CLSTN3: variants seen among roughly 807,000 people sequenced by gnomAD.
The protein encoded by CLSTN3 is calsyntenin 3, also known as calsyntenin-3.
Under a neutral mutation model 95.9 loss-of-function variants are expected in CLSTN3, and 36 were observed. The ratio of observed to expected loss-of-function variants is 0.38; its 90% CI spans 0.29 to 0.50. The LOEUF (loss-of-function observed/expected upper bound fraction) is 0.50. CLSTN3 is among the 20% of genes least tolerant of loss of function. The probability of loss-of-function intolerance (pLI) is 0.95; values close to 1 mark genes in which losing one functional copy is unlikely to be tolerated. For synonymous variants in CLSTN3, 481 were observed against 504.0 expected, an observed-to-expected ratio of 0.95 and a Z score of 0.61; for missense variants, 1,084 against 1,268.8, an observed-to-expected ratio of 0.85 and a Z score of 2.21.
At chr12:7,144,562 G>C (rs1939589702) in intron 12 of CLSTN3, among the ~76,000 whole-genome samples, 1 of 152,138 alleles carries the variant, frequency 6.6e-6, no homozygotes, top group Admixed American at 6.5e-5. Flanking sequence ...ATTACATAAA[G>C]GCATTTTCAC....
intron 12 of CLSTN3, among the ~76,000 whole-genome samples, chr12:7,146,583 C>G (rs868092093): frequency 1.1e-4 from 17 of 152,256 alleles, no homozygotes; most frequent in Middle Eastern, 3.4e-3. Context: ...TTTCTCTGAT[C>G]GTTCCTACCT....
Position 7,158,380 on chromosome 12 carries a change from C to G in CLSTN3, c.*299C>G. ...TTTCTACCCCCAATGGCAGCTGCCC[C>G]CTTAGCACTCACTGTGTTGGGGAGA... On this transcript the variant is annotated 3_prime_UTR_variant, in exon 18 of 18. Transcript: ENST00000266546. 2 of 307,890 alleles carry G rather than the reference C, an allele frequency of 6.5e-6. No individual in the cohort carries two copies. Among genetic ancestry groups the G allele is most frequent in the South Asian group, 6.7e-5 (1 of 14,928 alleles). The allele number at this position is 307,890 out of a possible 1,614,324, so 19.1% of individuals were successfully genotyped here.
chr12:7,130,743 G>C, intron 1 of CLSTN3, 31 bp downstream of exon 1: 2 of 1,540,164 alleles, frequency 1.3e-6, no homozygotes, highest in Non-Finnish European at 1.8e-6. Context: ...GGTACCGAAA[G>C]AGGGGCGTCG....
chr12:7,140,934 T>C (rs187023022), intron 8 of CLSTN3, among the ~76,000 whole-genome samples: 15 of 152,282 alleles, frequency 9.9e-5, no homozygotes, highest in Non-Finnish European at 2.1e-4. Flanking sequence ...TACACACATA[T>C]GTAATACATA....
chr12:7,130,303 T>TCCCCCCCCCC (rs1174430972), upstream of CLSTN3: 27 of 779,434 alleles, frequency 3.5e-5, no homozygotes, highest in South Asian at 1.8e-4. Context: ...CAGCACCTGG[T>TCCCCCCCCCC]CCCCCCCCCT....
intron 12 of CLSTN3, among the ~76,000 whole-genome samples, chr12:7,144,232 CAAAAAAAAA>C (rs754358387): frequency 2.9e-5 from 2 of 69,700 alleles, no homozygotes; most frequent in Non-Finnish European, 5.4e-5. Flanking sequence ...GACTCCATCT[CAAAAAAAAA>C]AAAAAAAAAA....
In CLSTN3 at chr12:7,150,532, C is replaced by A; in HGVS notation, c.2246-12C>A. On this transcript the variant is annotated splice_polypyrimidine_tract_variant and intron_variant, in intron 14 of 17. Coordinates refer to ENST00000266546, the MANE Select transcript of CLSTN3 (RefSeq NM_014718.4). This position sits in a 1 kb window ranked among gnomAD's most constrained non-coding sequence, Gnocchi z 4.0. ...CACTGGCCCCTGCCCTGAGGTGCTT[C>A]CTCATCTCCAGGGGTGGAGAGCATC... is the stretch of plus-strand genomic sequence containing the variant. 6.2e-7 allele frequency: 1 copy of A among 1,604,366 alleles called. No individual in the cohort carries two copies. The highest frequency in any genetic ancestry group is 8.5e-7 in the Non-Finnish European group (1 of 1,172,594).
chr12:7,130,285 C>T (rs1939258636), upstream of CLSTN3: 2 of 795,668 alleles, frequency 2.5e-6, no homozygotes, highest in Non-Finnish European at 3.5e-6. Flanking sequence ...TGGCTCCCTC[C>T]CCCGCTGCAG....
At chr12:7,135,179 C>T in intron 3 of CLSTN3, 148 bp from the exon 4 acceptor site, 1 of 739,890 alleles carries the variant, frequency 1.4e-6, no homozygotes, top group Admixed American at 2.2e-5. Flanking sequence ...GGTATCGAAC[C>T]TGTCCCTCCA....
Position 7,141,312 on chromosome 12 carries a change from G to A in CLSTN3, c.1394G>A (p.Gly465Asp). The A allele has an allele frequency of 6.2e-7, 1 of 1,614,160 alleles. No homozygotes were observed. The highest frequency in any genetic ancestry group is 1.3e-5 in the African/African-American group (1 of 75,050). ...CCCACAGTCACACTCTATACCGACGGCATCTCCTTCGACCCTGCCCTCATC... is the reference window on the plus strand; with the variant it reads ...CCCACAGTCACACTCTATACCGACGACATCTCCTTCGACCCTGCCCTCATC... Reference protein sequence around the residue: ...EFPTVTLYTDGISFDPALIHD... With the variant: ...EFPTVTLYTDDISFDPALIHD... The change falls in exon 9 of 18, where the codon GGC becomes GAC. Residue 465 changes from glycine to aspartate, a missense_variant. Physicochemically the swap from Gly to Asp is moderately conservative, Grantham distance 94 (BLOSUM62 -1). Coordinates refer to ENST00000266546, the MANE Select transcript of CLSTN3 (RefSeq NM_014718.4). The surrounding 1 kb of genome is among the most constrained non-coding windows in gnomAD (Gnocchi z 4.1).
chr12:7,149,792 T>G lies in CLSTN3; in HGVS notation c.2245+99T>G. 8.9e-7 allele frequency: 1 copy of G among 1,120,874 alleles called. No homozygotes were observed. Among genetic ancestry groups the G allele is most frequent in the Non-Finnish European group, 1.3e-6 (1 of 792,174 alleles). 69.4% of individuals were successfully genotyped at this position (1,120,874 alleles called of 1,614,324 possible). ...AGGGTCCTCCTTCCAGGTCCAGGGA[T>G]GTGGACAAGTGCCGTTTTGCATTTT... On this transcript the variant is annotated intron_variant, in intron 14 of 17. Transcript: ENST00000266546. This position sits in a 1 kb window ranked among gnomAD's most constrained non-coding sequence, Gnocchi z 4.5.
In CLSTN3 at chr12:7,141,468, G is replaced by A. The variant is rs1238501448; in HGVS notation, c.1486+64G>A. The A allele has an allele frequency of 1.5e-5, 24 of 1,578,240 alleles. No individual in the cohort carries two copies. The highest frequency in any genetic ancestry group is 1.9e-5 in the Non-Finnish European group (22 of 1,148,626). On this transcript the variant is annotated intron_variant, in intron 9 of 17. Transcript: ENST00000266546. The surrounding 1 kb of genome is among the most constrained non-coding windows in gnomAD (Gnocchi z 4.1). ...GGGAAGGGAGGTAGGCTGGTGAGGAGCAAGGGCAGTCTGACCCAGCAGCTG... is the reference window on the plus strand; with the variant it reads ...GGGAAGGGAGGTAGGCTGGTGAGGAACAAGGGCAGTCTGACCCAGCAGCTG...
In CLSTN3 at chr12:7,136,147, G is replaced by C. The variant is rs923432559; in HGVS notation, c.743-59G>C. 15 of 1,566,900 alleles carry C rather than the reference G, an allele frequency of 9.6e-6. No homozygotes were observed. In the African/African-American group the frequency reaches 2.0e-4, roughly 21 times the overall value. ...ATGGACATGGCAAGAGGAGCATGGA[G>C]AGGGGAGGCTGCTTTACCCTTCTCT... On this transcript the variant is annotated intron_variant, in intron 5 of 17. Transcript: ENST00000266546.
chr12:7,133,469 G>C lies in CLSTN3; in HGVS notation c.188-104G>C. ...ATGCTTTTGTGCCTACAGGAGAAGG[G>C]ACAGGGCTTTGGGAGGAGAGGTGGA... On this transcript the variant is annotated intron_variant, in intron 2 of 17. Transcript: ENST00000266546. This position sits in a 1 kb window ranked among gnomAD's most constrained non-coding sequence, Gnocchi z 4.7. The C allele has an allele frequency of 8.7e-7, 1 of 1,146,132 alleles. No homozygotes were observed. The highest frequency in any genetic ancestry group is 1.3e-6 in the Non-Finnish European group (1 of 780,746). The allele number at this position is 1,146,132 out of a possible 1,614,324, so 71.0% of individuals were successfully genotyped here. A position where few individuals can be genotyped will look rare whatever the true frequency, so the allele number is the denominator to read the frequency against.
At chr12:7,129,610 C>A (rs768161628), upstream of CLSTN3, 32 of 985,512 alleles carry the variant, frequency 3.2e-5, no homozygotes, top group East Asian at 3.1e-3. This position sits in a 1 kb window ranked among gnomAD's most constrained non-coding sequence, Gnocchi z 5.5. Context: ...AGTCCCCAGC[C>A]CTAGGACAGC....
intron 1 of CLSTN3, chr12:7,131,156 A>G (rs901258893): frequency 3.7e-6 from 1 of 267,368 alleles, no homozygotes; most frequent in Admixed American, 5.1e-5. Context: ...GGGAGAAAGT[A>G]TTTGCTGCAG....
chr12:7,132,255 A>G (rs1207198802), intron 1 of CLSTN3: 1 of 248,940 alleles, frequency 4.0e-6, no homozygotes, highest in Non-Finnish European at 8.1e-6. Flanking sequence ...CTTGTGGAGG[A>G]CATAGAAATG....
In CLSTN3 at chr12:7,143,007, G is replaced by A. The variant is rs1565651468; in HGVS notation, c.1679G>A (p.Ser560Asn). Residue 560 changes from serine to asparagine, a missense_variant, in exon 11 of 18, where the codon AGC becomes AAC. By Grantham distance (46) the Ser-to-Asn change is conservative (BLOSUM62 1). Transcript: ENST00000266546. ...GGGCTGGACTATAGGGATTTCGAGA[G>A]CCTGGGCAAAGGCATGAAGGTATTG... is the stretch of plus-strand genomic sequence containing the variant. ...REGLDYRDFE[S>N]LGKGMKVHVN... 4 of 1,614,048 alleles carry A rather than the reference G, an allele frequency of 2.5e-6. No homozygotes were observed. Among genetic ancestry groups the A allele is most frequent in the Middle Eastern group, 3.3e-4 (2 of 6,062 alleles).
chr12:7,133,668 G>A lies in CLSTN3; in HGVS notation c.283G>A (p.Glu95Lys). ...ATGEGLIRAKEPVDCEAQKEH... is the reference protein window; with the variant it reads ...ATGEGLIRAKKPVDCEAQKEH... ...AGGAGAGGGGCTGATCCGGGCCAAG[G>A]AGCCTGTGGACTGCGAGGCCCAGAA... The change falls in exon 3 of 18, where the codon GAG (glutamate) becomes AAG (lysine). Residue 95 changes from glutamate to lysine, a missense_variant. Coordinates refer to ENST00000266546, the MANE Select transcript of CLSTN3 (RefSeq NM_014718.4). This position sits in a 1 kb window ranked among gnomAD's most constrained non-coding sequence, Gnocchi z 4.7. 6.2e-7 allele frequency: 1 copy of A among 1,614,146 alleles called. No homozygotes were observed. The highest frequency in any genetic ancestry group is 8.5e-7 in the Non-Finnish European group (1 of 1,180,000).
Sources: allele counts gnomAD v4.1 joint callset (sites outside exome capture counted in the v4.1 genomes callset), GRCh38; gene constraint gnomAD v4.1.1; non-coding constraint Gnocchi (gnomAD v3.1); transcripts MANE v1.5; gene names NCBI Gene and HGNC (gene_info 2026-07-23, HGNC 2026-07-21).